Variants in PTPRG observed in about 807,000 individuals in gnomAD.
PTPRG encodes receptor-type tyrosine-protein phosphatase gamma.
PTPRG carries 102 observed loss-of-function variants against 165.3 expected under a neutral mutation model. The observed-to-expected ratio is 0.62, with a 90% CI of 0.53 to 0.73. The LOEUF (loss-of-function observed/expected upper bound fraction) is 0.73. Ranked by LOEUF, PTPRG falls within the 30% of genes least tolerant of loss-of-function variation. PTPRG has a pLI of 0.00. For synonymous variants in PTPRG, 675 were observed against 669.5 expected (o/e 1.01, Z -0.13); for missense variants, 1,866 against 1,861.4 (o/e 1.00, Z -0.05).
chr3:62,268,894 G>A, intron 19 of PTPRG, 141 bp from the exon 20 acceptor site: 1 of 878,140 alleles, frequency 1.1e-6, no homozygotes. Flanking sequence ...CTGCCTTTAA[G>A]CAGTTAAACT....
intron 5 of PTPRG, among the ~76,000 whole-genome samples, chr3:62,093,316 T>C (rs1218560173): frequency 6.6e-6 from 1 of 152,198 alleles, no homozygotes; most frequent in Non-Finnish European, 1.5e-5. Context: ...TCTCAACTCC[T>C]GAGGTTCATG....
chr3:62,212,016 C>G (rs962587225), intron 12 of PTPRG, among the ~76,000 whole-genome samples: 1 of 150,768 alleles, frequency 6.6e-6, no homozygotes, highest in Admixed American at 6.6e-5. Context: ...TCAGATTCTG[C>G]TGGGTGCTGA....
intron 2 of PTPRG, among the ~76,000 whole-genome samples, chr3:61,935,988 T>A (rs537188814): frequency 8.5e-5 from 13 of 152,296 alleles, no homozygotes; most frequent in African/African-American, 3.1e-4. Context: ...TTTGCCCTCA[T>A]GAATGGTATT....
intron 6 of PTPRG, among the ~76,000 whole-genome samples, chr3:62,155,508 G>A (rs1219019223): frequency 6.6e-6 from 1 of 152,138 alleles, no homozygotes; most frequent in East Asian, 1.9e-4. Context: ...GTTATTTTAA[G>A]CATTAAATAA....
chr3:62,131,081 T>C (rs534309583), intron 5 of PTPRG, among the ~76,000 whole-genome samples: 44 of 152,294 alleles, frequency 2.9e-4, no homozygotes, highest in African/African-American at 1.1e-3. Context: ...TATTAACTCA[T>C]AGAGCATCTA....
intron 7 of PTPRG, among the ~76,000 whole-genome samples, chr3:62,163,826 A>G (rs1164708847): frequency 6.6e-6 from 1 of 152,252 alleles, no homozygotes; most frequent in Non-Finnish European, 1.5e-5. Context: ...AAATAAAGAC[A>G]CTGAGGCACA....
chr3:61,990,884 A>AG (rs1479445331), intron 3 of PTPRG, among the ~76,000 whole-genome samples: 5 of 147,022 alleles, frequency 3.4e-5, no homozygotes, highest in African/African-American at 1.3e-4. Flanking sequence ...TTCATGTTGT[A>AG]GGTCACAAAG....
At chr3:62,016,647 T>C (rs2041551004) in intron 4 of PTPRG, among the ~76,000 whole-genome samples, 1 of 152,236 alleles carries the variant, frequency 6.6e-6, no homozygotes, top group Admixed American at 6.5e-5. Flanking sequence ...ATCCACTCTT[T>C]ATCCAGTAAC....
chr3:62,026,839 T>A (rs1361660548), intron 4 of PTPRG, among the ~76,000 whole-genome samples: 3 of 136,910 alleles, frequency 2.2e-5, no homozygotes, highest in African/African-American at 8.6e-5. Flanking sequence ...TAAGCCGAGA[T>A]TGCACTGCTG....
rs904098462 is a variant in PTPRG at position 62,222,102 on chromosome 3, G to A, written c.2288+3119G>A. ...CACATTTGTTGAAAGCCTGCTATGG[G>A]CCAAATAGTTGGCAATATCATCACC... is the stretch of plus-strand genomic sequence containing the variant. On this transcript the variant is annotated intron_variant, in intron 13 of 29. Transcript: ENST00000474889. The surrounding 1 kb of genome is among the most constrained non-coding windows in gnomAD (Gnocchi z 4.5). Among the ~76,000 whole-genome samples the A allele has an allele frequency of 2.6e-5, 4 of 152,204 alleles. No individual in the cohort carries two copies. Among genetic ancestry groups the A allele is most frequent in the African/African-American group, 9.6e-5 (4 of 41,460 alleles).
intron 1 of PTPRG, among the ~76,000 whole-genome samples, chr3:61,617,837 T>C (rs890167642): frequency 6.6e-6 from 1 of 152,216 alleles, no homozygotes; most frequent in African/African-American, 2.4e-5. Flanking sequence ...CTTTGTTGTG[T>C]CATATTTTAA....
At chr3:62,079,539 A>C (rs1701496204) in intron 5 of PTPRG, among the ~76,000 whole-genome samples, 1 of 152,242 alleles carries the variant, frequency 6.6e-6, no homozygotes, top group South Asian at 2.1e-4. Context: ...ACAGTAAAGC[A>C]TACTGGGTGT....
rs147232259 is a variant in PTPRG, at chr3:61,897,896, T to C, written c.191-91729T>C. 7.5e-3 allele frequency among the ~76,000 whole-genome samples: 1,149 copies of C among 152,322 alleles called. 11 individuals are homozygous for C. Among genetic ancestry groups the C allele is most frequent in the African/African-American group, 0.025 (1,055 of 41,562 alleles). Reference sequence around the variant, plus strand: ...AAATGTGATGGACTTTTCAGGTTGATCTTTTATTCTGTAACCTTACTGAAC... The same window carrying C: ...AAATGTGATGGACTTTTCAGGTTGACCTTTTATTCTGTAACCTTACTGAAC... On this transcript the variant is annotated intron_variant, in intron 2 of 29. Transcript: ENST00000474889.
intron 5 of PTPRG, among the ~76,000 whole-genome samples, chr3:62,100,396 G>T (rs115091717): frequency 1.3e-5 from 2 of 151,988 alleles, no homozygotes; most frequent in Non-Finnish European, 2.9e-5. Context: ...AGCAGGAGCC[G>T]TCTTTACCCT....
chr3:62,085,711 C>A (rs528124628), intron 5 of PTPRG, among the ~76,000 whole-genome samples: 3 of 152,164 alleles, frequency 2.0e-5, no homozygotes, highest in Non-Finnish European at 4.4e-5. Flanking sequence ...CTCTTTCCCC[C>A]CTTTCTCCTT....
intron 1 of PTPRG, among the ~76,000 whole-genome samples, chr3:61,670,732 G>A (rs1449885719): frequency 1.3e-5 from 2 of 152,180 alleles, no homozygotes; most frequent in East Asian, 3.8e-4. Context: ...ATTAGACTGG[G>A]CGCGAGTTTT....
At chr3:61,736,823 G>A (rs938806024) in intron 1 of PTPRG, among the ~76,000 whole-genome samples, 1 of 152,110 alleles carries the variant, frequency 6.6e-6, no homozygotes, top group African/African-American at 2.4e-5. Context: ...TGGTTAAAAT[G>A]TTCTAAAATT....
chr3:61,722,533 C>T (rs961563128), intron 1 of PTPRG, among the ~76,000 whole-genome samples: 3 of 152,132 alleles, frequency 2.0e-5, no homozygotes, highest in African/African-American at 7.2e-5. Flanking sequence ...GGGCATCCAG[C>T]CCACTTGCTA....
At chr3:62,030,066 G>A (rs1699712893) in intron 4 of PTPRG, among the ~76,000 whole-genome samples, 2 of 152,126 alleles carry the variant, frequency 1.3e-5, no homozygotes, top group South Asian at 4.1e-4. Flanking sequence ...TGTGTATCCT[G>A]AATTACTCAA....
Sources: allele counts gnomAD v4.1 joint callset (sites outside exome capture counted in the v4.1 genomes callset), GRCh38; gene constraint gnomAD v4.1.1; non-coding constraint Gnocchi (gnomAD v3.1); transcripts MANE v1.5; gene names NCBI Gene and HGNC (gene_info 2026-07-23, HGNC 2026-07-21).